Variants in NF1 observed in about 807,000 individuals in gnomAD.
NF1 encodes neurofibromin.
Under a neutral mutation model 325.7 loss-of-function variants are expected in NF1, and 122 were observed. The observed-to-expected ratio is 0.37, with a 90% CI of 0.32 to 0.44. The LOEUF is 0.44. NF1 is among the 20% of genes least tolerant of loss of function. The probability of loss-of-function intolerance (pLI) is 1.00; values close to 1 mark genes in which losing one functional copy is unlikely to be tolerated. For missense variants in NF1, 2,140 were observed against 3,415.4 expected, an observed-to-expected ratio of 0.63 and a Z score of 9.31; for synonymous variants, 1,091 against 1,186.0, an observed-to-expected ratio of 0.92 and a Z score of 1.65.
At chr17:31,139,484 T>C (rs780647772) in intron 1 of NF1, among the ~76,000 whole-genome samples, 1 of 152,182 alleles carries the variant, frequency 6.6e-6, no homozygotes, top group Non-Finnish European at 1.5e-5. Context: ...TATTAAATTA[T>C]CATGTAGACC....
At chr17:31,255,378 A>G (rs111696641) in intron 31 of NF1, among the ~76,000 whole-genome samples, 37 of 152,294 alleles carry the variant, frequency 2.4e-4, no homozygotes, top group African/African-American at 2.6e-4. Flanking sequence ...GCATGTATGT[A>G]TTATGAGGTA....
chr17:31,142,520 A>G (rs1916293320), intron 1 of NF1, among the ~76,000 whole-genome samples: 2 of 152,040 alleles, frequency 1.3e-5, no homozygotes, highest in African/African-American at 4.8e-5. Context: ...TTTGTGAAAA[A>G]TATGGTTACA....
chr17:31,155,712 C>T (rs1286105532), intron 1 of NF1, among the ~76,000 whole-genome samples: 1 of 152,062 alleles, frequency 6.6e-6, no homozygotes, highest in African/African-American at 2.4e-5. Flanking sequence ...TTATGACTTC[C>T]AGAAAGAAAG....
intron 8 of NF1, among the ~76,000 whole-genome samples, chr17:31,192,185 GA>G (rs1315533824): frequency 1.3e-5 from 2 of 152,262 alleles, no homozygotes; most frequent in East Asian, 3.9e-4. Context: ...TCCACGAAAA[GA>G]GTCAAACTCT....
chr17:31,104,244 ACT>A (rs1216535562), intron 1 of NF1, among the ~76,000 whole-genome samples: 2 of 151,840 alleles, frequency 1.3e-5, no homozygotes, highest in Non-Finnish European at 1.5e-5. Context: ...TTCTATGTAG[ACT>A]CTATATTGTT....
At chr17:31,317,434 C>T (rs2069052635) in intron 36 of NF1, 1 of 151,116 alleles carries the variant, frequency 6.6e-6, no homozygotes, top group African/African-American at 2.4e-5. Flanking sequence ...TACTTGGCAT[C>T]CTTGAAGTCC....
intron 5 of NF1, among the ~76,000 whole-genome samples, chr17:31,177,827 GT>G (rs1567824272): frequency 6.6e-6 from 1 of 151,918 alleles, no homozygotes; most frequent in African/African-American, 2.4e-5. Context: ...AGAAAAAAGA[GT>G]GAAAAGAAAT....
intron 1 of NF1, among the ~76,000 whole-genome samples, chr17:31,130,097 T>TTTA (rs1555600896): frequency 2.0e-5 from 3 of 151,016 alleles, no homozygotes; most frequent in African/African-American, 7.3e-5. Context: ...TTTTTTTTTT[T>TTTA]ATCCTATATG....
At chr17:31,237,393 G>C (rs1239482059) in intron 29 of NF1, among the ~76,000 whole-genome samples, 4 of 152,090 alleles carry the variant, frequency 2.6e-5, no homozygotes, top group Non-Finnish European at 5.9e-5. Context: ...TCCCATCTCA[G>C]CCTCCCAAGT....
intron 37 of NF1, 121 bp downstream of exon 37, chr17:31,326,373 C>T (rs1334804829): frequency 1.0e-5 from 10 of 995,688 alleles, no homozygotes; most frequent in African/African-American, 4.9e-5. Context: ...GTAAGGCTGT[C>T]GCGGTGGCTC....
rs199474755 is a variant in NF1, at chr17:31,259,056, G to C, written c.4357G>C (p.Val1453Leu). Residue 1453 changes from valine (V) to leucine (L), a missense_variant, in exon 33 of 58, where the codon GTT becomes CTT. Transcript: ENST00000358273. ...SKILQSIANH[V>L]LFTKEEHMRP... ...GATACTTCAGAGTATTGCCAATCATGTTCTCTTCACAAAAGAAGAACATAT... is the reference window on the plus strand; with the variant it reads ...GATACTTCAGAGTATTGCCAATCATCTTCTCTTCACAAAAGAAGAACATAT... The C allele has an allele frequency of 1.9e-6, 3 of 1,602,078 alleles. No homozygotes were observed. The highest frequency in any genetic ancestry group is 2.6e-6 in the Non-Finnish European group (3 of 1,172,834).
intron 36 of NF1, among the ~76,000 whole-genome samples, chr17:31,286,117 T>TG (rs1367532528): frequency 6.6e-6 from 1 of 152,184 alleles, no homozygotes; most frequent in African/African-American, 2.4e-5. Context: ...TGTTTTGAGA[T>TG]GGAGTCTTGC....
intron 29 of NF1, among the ~76,000 whole-genome samples, chr17:31,242,458 T>C (rs1411987330): frequency 6.6e-6 from 1 of 151,996 alleles, no homozygotes; most frequent in East Asian, 1.9e-4. Flanking sequence ...TGAGGCTGTT[T>C]TCTAGATCTT....
At chr17:31,312,233 G>T (rs909636291) in intron 36 of NF1, among the ~76,000 whole-genome samples, 2 of 152,138 alleles carry the variant, frequency 1.3e-5, no homozygotes, top group African/African-American at 4.8e-5. Flanking sequence ...TATGGGACCA[G>T]GCGCAGTGGT....
intron 4 of NF1, among the ~76,000 whole-genome samples, chr17:31,168,903 A>G (rs1351370337): frequency 7.9e-5 from 12 of 152,154 alleles, no homozygotes; most frequent in African/African-American, 2.9e-4. Context: ...TTATTTTAAA[A>G]TTGTGACTTC....
rs964250095 is a variant in NF1 at position 31,273,335 on chromosome 17, T to C, written c.4835+7996T>C. 6.6e-5 allele frequency among the ~76,000 whole-genome samples: 10 copies of C among 151,720 alleles called. 1 individual carries two copies. Among genetic ancestry groups the C allele is most frequent in the Non-Finnish European group, 2.9e-5 (2 of 67,966 alleles). The stretch of plus-strand genomic sequence containing the variant: ...TCATTAACAACAACAACAACAACAA[T>C]AACAAACTAGAGAAGTTCATAGTTT... On this transcript the variant is annotated intron_variant, in intron 36 of 57. Coordinates refer to ENST00000358273, the MANE Select transcript of NF1 (RefSeq NM_001042492.3).
At chr17:31,247,234 A>C (rs2067410218) in intron 29 of NF1, among the ~76,000 whole-genome samples, 1 of 151,542 alleles carries the variant, frequency 6.6e-6, no homozygotes. Flanking sequence ...GGATATGGGG[A>C]ATAATGAAGT....
At chr17:31,271,305 A>T (rs2067890078) in intron 36 of NF1, among the ~76,000 whole-genome samples, 1 of 152,242 alleles carries the variant, frequency 6.6e-6, no homozygotes, top group African/African-American at 2.4e-5. Context: ...CAATATCATT[A>T]TACATTACAA....
In NF1 at chr17:31,221,805, TTGAG is replaced by T. The variant is rs2066925794; in HGVS notation, c.1642-39_1642-36del. The T allele has an allele frequency of 2.2e-6, 3 of 1,384,254 alleles. No individual in the cohort carries two copies. In the African/African-American group the frequency reaches 4.3e-5, roughly 20 times the overall value. 85.7% of individuals were successfully genotyped at this position (1,384,254 alleles called of 1,614,324 possible). ...CCAGTGTTATGTTTACCAAAAATGT[TTGAG>T]TGAGTCTTCTCTTTGTCTTTCTCTT... On this transcript the variant is annotated intron_variant, in intron 14 of 57. Coordinates refer to ENST00000358273, the MANE Select transcript of NF1 (RefSeq NM_001042492.3).
Sources: gnomAD v4.1 joint callset for allele counts (sites outside exome capture counted in the v4.1 genomes callset) on GRCh38, gnomAD v4.1.1 for gene constraint, MANE v1.5 for transcripts, NCBI Gene and HGNC (gene_info 2026-07-23, HGNC 2026-07-21) for gene names.